The following ZFHX3 variants were observed in gnomAD, a reference collection of about 807,000 sequenced individuals.
The protein encoded by ZFHX3 is zinc finger homeobox 3, also known as zinc finger homeobox protein 3.
Under a neutral mutation model 279.1 loss-of-function variants are expected in ZFHX3, and 42 were observed. The observed-to-expected ratio is 0.15, with a 90% CI of 0.12 to 0.19. ZFHX3 has a LOEUF of 0.19. ZFHX3 is among the 10% of genes least tolerant of loss of function. The pLI is 1.00. For missense variants in ZFHX3, 4,981 were observed against 4,754.0 expected (o/e 1.05, Z -1.40); for synonymous variants, 2,293 against 1,957.8 (o/e 1.17, Z -4.52).
Position 72,958,679 on chromosome 16 carries a change from C to T in ZFHX3, c.1467G>A (p.Glu489=). 2 of 1,613,920 alleles carry T rather than the reference C, an allele frequency of 1.2e-6. No homozygotes were observed. The highest frequency in any genetic ancestry group is 1.7e-6 in the Non-Finnish European group (2 of 1,180,002). The part of the protein sequence containing the change: ...EEEEEEEEED[E]GCKGLFPSEL... The stretch of plus-strand genomic sequence containing the variant: ...CGCTTGGAAAGAGTCCTTTGCAACC[C>T]TCGTCTTCCTCCTCCTCTTCTTCCT... Residue 489 remains glutamate (E), a synonymous_variant, in exon 2 of 10, where the codon GAG becomes GAA. Transcript: ENST00000268489.
chr16:73,604,106 G>A (rs1328846019), intron 2 of ZFHX3, among the ~76,000 whole-genome samples: 1 of 151,840 alleles, frequency 6.6e-6, no homozygotes, highest in East Asian at 1.9e-4. Context: ...ATAAAGAGTA[G>A]ACTAGAAAAC....
chr16:73,289,784 T>A (rs2014722217), intron 4 of ZFHX3, among the ~76,000 whole-genome samples: 1 of 151,996 alleles, frequency 6.6e-6, no homozygotes, highest in South Asian at 2.1e-4. Flanking sequence ...CCCTACCAGG[T>A]GCACCGAAAT....
At chr16:72,864,473 C>A (rs1447182778) in intron 4 of ZFHX3, among the ~76,000 whole-genome samples, 1 of 151,604 alleles carries the variant, frequency 6.6e-6, no homozygotes, top group Non-Finnish European at 1.5e-5. Context: ...GGGCGTTCAT[C>A]CCCCTTCTTA....
chr16:73,174,863 CAAAAAAAAAAAAAAAA>C, intron 5 of ZFHX3, among the ~76,000 whole-genome samples: 1 of 86,834 alleles, frequency 1.2e-5, no homozygotes, highest in East Asian at 3.2e-4. Flanking sequence ...ACTAAAAATA[CAAAAAAAAAAAAAAAA>C]AAAAATTAGC....
chr16:73,363,894 T>C (rs2016480145), intron 3 of ZFHX3, among the ~76,000 whole-genome samples: 1 of 152,168 alleles, frequency 6.6e-6, no homozygotes, highest in South Asian at 2.1e-4. Flanking sequence ...GCTACAGTTC[T>C]GGGCACGGCA....
intron 4 of ZFHX3, among the ~76,000 whole-genome samples, chr16:72,886,079 C>A (rs2038614916): frequency 6.6e-6 from 1 of 152,224 alleles, no homozygotes; most frequent in African/African-American, 2.4e-5. Context: ...GATATCCTTT[C>A]AAGTTTTGAA....
chr16:73,589,794 T>C lies in ZFHX3; in HGVS notation c.-1547+90386A>G, dbSNP rs531135213. The stretch of plus-strand genomic sequence containing the variant: ...AAAGAATATACCCTGTCTTGTGCAT[T>C]TGACTTTGGAACCTGGTAAAAGTAT... On this transcript the variant is annotated intron_variant, in intron 2 of 17. Transcript: ENST00000641206. Among the ~76,000 whole-genome samples, 44 of 144,624 alleles carry C rather than the reference T, an allele frequency of 3.0e-4. 1 individual carries two copies. The South Asian group carries it at 6.1e-3, about 20-fold the overall frequency. 94.9% of individuals were successfully genotyped at this position (144,624 alleles called of 152,430 possible). A position where few individuals can be genotyped will look rare whatever the true frequency, so the allele number is the denominator to read the frequency against.
intron 4 of ZFHX3, among the ~76,000 whole-genome samples, chr16:73,306,579 T>C (rs1387462483): frequency 1.3e-5 from 2 of 152,220 alleles, no homozygotes; most frequent in Admixed American, 6.5e-5. Context: ...TGCCTTGGCC[T>C]CCGAAAGTGC....
intron 1 of ZFHX3, among the ~76,000 whole-genome samples, chr16:73,829,269 C>A (rs1960930408): frequency 9.4e-6 from 1 of 106,142 alleles, no homozygotes; most frequent in Non-Finnish European, 1.7e-5. Flanking sequence ...CTCCTTTAAG[C>A]ACTTCTCTGT....
rs1182544711 is a variant in ZFHX3 at position 73,141,461 on chromosome 16, G to A, written c.-1024+2291C>T. ...CACCCAGGCTGGAGTGCAGTGGCTC[G>A]ATCATAGTTTATTATAGCCTCGAAC... On this transcript the variant is annotated intron_variant, in intron 6 of 17. Coordinates refer to the ZFHX3 transcript ENST00000641206. Among the ~76,000 whole-genome samples the A allele has an allele frequency of 6.6e-5, 10 of 151,236 alleles. No individual in the cohort carries two copies. In the South Asian group the frequency reaches 1.9e-3, roughly 29 times the overall value.
At chr16:73,811,678 C>T (rs539914104) in intron 1 of ZFHX3, among the ~76,000 whole-genome samples, 1 of 152,210 alleles carries the variant, frequency 6.6e-6, no homozygotes, top group Non-Finnish European at 1.5e-5. Context: ...AACTCCTCAC[C>T]TCATGATCTG....
At chr16:73,402,359 G>A (rs2017273502) in intron 3 of ZFHX3, 2 of 152,176 alleles carry the variant, frequency 1.3e-5, no homozygotes, top group African/African-American at 4.8e-5. Context: ...AGCATGAAGG[G>A]CAACTTGGTA....
At chr16:73,381,918 T>A (rs185479483) in intron 3 of ZFHX3, among the ~76,000 whole-genome samples, 2 of 152,306 alleles carry the variant, frequency 1.3e-5, no homozygotes, top group East Asian at 3.9e-4. Flanking sequence ...TAGACTTTGG[T>A]CTAAAATATT....
intron 3 of ZFHX3, among the ~76,000 whole-genome samples, chr16:73,432,952 T>G (rs545787486): frequency 6.6e-6 from 1 of 152,282 alleles, no homozygotes; most frequent in East Asian, 1.9e-4. Flanking sequence ...CTAGATCATA[T>G]TGAGATAATC....
chr16:73,072,794 T>G (rs1402031340), intron 8 of ZFHX3, among the ~76,000 whole-genome samples: 2 of 152,194 alleles, frequency 1.3e-5, no homozygotes, highest in African/African-American at 4.8e-5. Context: ...GGTCTCGAAC[T>G]CCTGGCTTCA....
At chr16:73,843,871 G>A (rs1324279267) in intron 1 of ZFHX3, among the ~76,000 whole-genome samples, 1 of 152,200 alleles carries the variant, frequency 6.6e-6, no homozygotes, top group African/African-American at 2.4e-5. Flanking sequence ...AAAGGGGCGT[G>A]GCTGTGTTTC....
In ZFHX3 at chr16:72,959,427, C is replaced by T. The variant is rs1481368153; in HGVS notation, c.719G>A (p.Ser240Asn). 1.2e-6 allele frequency: 2 copies of T among 1,614,234 alleles called. No homozygotes were observed. Among genetic ancestry groups the T allele is most frequent in the South Asian group, 2.2e-5 (2 of 91,084 alleles). ...SFRVFDVRHKSNKDYLNSDGS... is the reference protein window; with the variant it reads ...SFRVFDVRHKNNKDYLNSDGS... ...GTCGCTGTTCAGGTAATCCTTGTTG[C>T]TTTTGTGTCGCACGTCAAACACGCG... Residue 240 changes from serine (S) to asparagine (N), a missense_variant, in exon 2 of 10, where the codon AGC becomes AAC. By Grantham distance (46) the Ser-to-Asn change is conservative (BLOSUM62 1). Around this residue, in one of 7 missense-constraint regions of ZFHX3, gnomAD observed 1,068 missense variants for 935.2 expected, o/e 1.14. Coordinates refer to ENST00000268489, the MANE Select transcript of ZFHX3 (RefSeq NM_006885.4).
rs111744172 is a variant in ZFHX3, at chr16:73,445,137, A to T, written c.-1291+10866T>A. Among the ~76,000 whole-genome samples the T allele has an allele frequency of 9.5e-3, 1,440 of 152,056 alleles. 17 individuals are homozygous for T. Among genetic ancestry groups the T allele is most frequent in the African/African-American group, 0.032 (1,342 of 41,486 alleles). On this transcript the variant is annotated intron_variant, in intron 3 of 17. Transcript: ENST00000641206. ...GTGACAGAACGAGACTGTCTGAAAA[A>T]TTTTAAAAAAAATCTTTTCATATAC...
At chr16:73,174,881 A>T (rs1200971415) in intron 5 of ZFHX3, among the ~76,000 whole-genome samples, 3 of 151,124 alleles carry the variant, frequency 2.0e-5, no homozygotes, top group Non-Finnish European at 4.4e-5. Flanking sequence ...AAAAAAAAAA[A>T]AAATTAGCCA....
Sources: gnomAD v4.1 joint callset for allele counts (sites outside exome capture counted in the v4.1 genomes callset) on GRCh38, gnomAD v4.1.1 for gene constraint, gnomAD v4.1.1 regional missense constraint, MANE v1.5 for transcripts, NCBI Gene and HGNC (gene_info 2026-07-23, HGNC 2026-07-21) for gene names.